The following HECW2 variants were observed in gnomAD, a reference collection of about 807,000 sequenced individuals.
The protein encoded by HECW2 is E3 ubiquitin-protein ligase HECW2.
HECW2 carries 61 observed loss-of-function variants against 175.2 expected under a neutral mutation model. That is an observed-to-expected ratio of 0.35 (90% confidence interval 0.28 to 0.43). HECW2 has a LOEUF of 0.43. Among genes scored for constraint, HECW2 ranks in the 20% least tolerant of loss-of-function variants. The pLI, the probability that HECW2 is intolerant of heterozygous loss-of-function variation, is 1.00. For missense variants in HECW2, 1,524 were observed against 2,000.5 expected (o/e 0.76, Z 4.54); for synonymous variants, 671 against 731.0 (o/e 0.92, Z 1.32).
At chr2:196,527,183 C>G (rs1056538359) in intron 1 of HECW2, among the ~76,000 whole-genome samples, 2 of 152,196 alleles carry the variant, frequency 1.3e-5, no homozygotes, top group Admixed American at 6.5e-5. Flanking sequence ...TCTCGTGGTG[C>G]GCCGTTTTTT....
intron 2 of HECW2, among the ~76,000 whole-genome samples, chr2:196,359,183 C>T (rs1361443132): frequency 6.6e-6 from 1 of 152,174 alleles, no homozygotes; most frequent in Non-Finnish European, 1.5e-5. Flanking sequence ...GGCACGGTGG[C>T]TCATGCCTGT....
At chr2:196,383,937 G>A (rs1420366674) in intron 2 of HECW2, among the ~76,000 whole-genome samples, 2 of 152,146 alleles carry the variant, frequency 1.3e-5, no homozygotes, top group Admixed American at 1.3e-4. Flanking sequence ...TCACTTGTGT[G>A]ACTGTGTCTC....
chr2:196,580,254 C>A (rs750524113), intron 1 of HECW2, among the ~76,000 whole-genome samples: 2 of 152,148 alleles, frequency 1.3e-5, no homozygotes, highest in Non-Finnish European at 2.9e-5. Flanking sequence ...CACTTCTCCT[C>A]ATGGATAAAA....
intron 1 of HECW2, among the ~76,000 whole-genome samples, chr2:196,568,621 C>G (rs796913314): frequency 6.6e-6 from 1 of 152,070 alleles, no homozygotes; most frequent in East Asian, 1.9e-4. Context: ...CAGTTGAAAC[C>G]GTACTTTAGA....
At chr2:196,574,713 G>A (rs1272301846) in intron 1 of HECW2, among the ~76,000 whole-genome samples, 2 of 152,018 alleles carry the variant, frequency 1.3e-5, no homozygotes, top group Non-Finnish European at 2.9e-5. Flanking sequence ...AACACTAATA[G>A]CTAAAGCAAT....
chr2:196,512,462 G>A (rs1687986279), intron 1 of HECW2, among the ~76,000 whole-genome samples: 1 of 152,018 alleles, frequency 6.6e-6, no homozygotes, highest in Non-Finnish European at 1.5e-5. Context: ...CATGATCACA[G>A]CTCACCACAA....
chr2:196,447,212 T>G (rs1007757653), intron 1 of HECW2, among the ~76,000 whole-genome samples: 9 of 149,584 alleles, frequency 6.0e-5, no homozygotes, highest in African/African-American at 2.3e-4. Flanking sequence ...TTTCCAATTG[T>G]TTTTTTTTAA....
chr2:196,212,268 G>T (rs529930096), intron 28 of HECW2, among the ~76,000 whole-genome samples: 1 of 152,108 alleles, frequency 6.6e-6, no homozygotes, highest in South Asian at 2.1e-4. Context: ...TGTCACTGGG[G>T]GTTTGTTTTA....
chr2:196,307,329 C>T (rs1575392412), intron 11 of HECW2, 96 bp from the exon 12 acceptor site: 5 of 757,000 alleles, frequency 6.6e-6, no homozygotes, highest in Admixed American at 6.6e-5. Context: ...ATCTTCTCAG[C>T]TTCAACTATT....
intron 2 of HECW2, among the ~76,000 whole-genome samples, chr2:196,401,008 G>A (rs1436204358): frequency 2.6e-5 from 4 of 152,174 alleles, no homozygotes; most frequent in African/African-American, 9.7e-5. Flanking sequence ...TTCGTTTCAT[G>A]ATTAATAACA....
At chr2:196,522,791 A>C (rs1345267383) in intron 1 of HECW2, among the ~76,000 whole-genome samples, 3 of 151,236 alleles carry the variant, frequency 2.0e-5, no homozygotes, top group Non-Finnish European at 4.4e-5. Context: ...ATAGTTGTAG[A>C]TATGCGGCGT....
At chr2:196,363,899 C>G (rs1693672441) in intron 2 of HECW2, among the ~76,000 whole-genome samples, 1 of 152,090 alleles carries the variant, frequency 6.6e-6, no homozygotes, top group South Asian at 2.1e-4. Context: ...TTTTTGGCAT[C>G]AAAGTTGGCT....
In HECW2 at chr2:196,582,069, A is replaced by AAATAATAATAATAATAATAAT. The variant is rs572551572; in HGVS notation, c.-36+11418_-36+11438dup. 4.2e-3 allele frequency among the ~76,000 whole-genome samples: 628 copies of AAATAATAATAATAATAATAAT among 150,328 alleles called. 4 individuals carry two copies. Among genetic ancestry groups the AAATAATAATAATAATAATAAT allele is most frequent in the African/African-American group, 0.015 (609 of 40,388 alleles). On this transcript the variant is annotated intron_variant, in intron 1 of 28. Coordinates refer to ENST00000644978, the MANE Select transcript of HECW2 (RefSeq NM_001348768.2). Reference sequence around the variant, plus strand: ...TGACATAGTGAGACTCCATCTCGAAAAATAATAATAATAATAATAATAATA... The same window carrying AAATAATAATAATAATAATAAT: ...TGACATAGTGAGACTCCATCTCGAAAAATAATAATAATAATAATAATAATAATAATAATAATAATAATAATA...
At chr2:196,290,493 C>G (rs1690565882) in intron 14 of HECW2, 1 of 152,292 alleles carries the variant, frequency 6.6e-6, no homozygotes, top group African/African-American at 2.4e-5. Flanking sequence ...CAACACAGAG[C>G]AGAAACAGAT....
intron 2 of HECW2, among the ~76,000 whole-genome samples, chr2:196,354,079 T>C (rs1467501803): frequency 6.6e-6 from 1 of 152,142 alleles, no homozygotes; most frequent in Non-Finnish European, 1.5e-5. Flanking sequence ...CCTCTGCCAG[T>C]GGAGGGCAGC....
At chr2:196,564,981 T>C (rs1055475650) in intron 1 of HECW2, among the ~76,000 whole-genome samples, 1 of 148,096 alleles carries the variant, frequency 6.8e-6, no homozygotes, top group African/African-American at 2.5e-5. Flanking sequence ...AGGCAAGCAA[T>C]TTAACTATTT....
intron 1 of HECW2, among the ~76,000 whole-genome samples, chr2:196,485,721 T>C (rs1686978927): frequency 6.6e-6 from 1 of 152,140 alleles, no homozygotes; most frequent in African/African-American, 2.4e-5. Context: ...GGGAAGGAAC[T>C]GGCCAGAGAC....
chr2:196,298,400 GT>G (rs1223654689), intron 13 of HECW2, among the ~76,000 whole-genome samples: 1 of 152,142 alleles, frequency 6.6e-6, no homozygotes, highest in Non-Finnish European at 1.5e-5. Flanking sequence ...TTTTACTTTA[GT>G]GTTATGACAA....
rs75300877 is a variant in HECW2, at chr2:196,223,694, A to G, written c.4017-1354T>C. ...GATCAGACGTGAAATGTGAATTATA[A>G]ACAGCTCCTCTGGAAGTCCCAGTGT... On this transcript the variant is annotated intron_variant, in intron 23 of 28. Transcript: ENST00000644978. 4.2e-3 allele frequency among the ~76,000 whole-genome samples: 641 copies of G among 152,278 alleles called. 8 individuals carry two copies. The highest frequency in any genetic ancestry group is 0.015 in the African/African-American group (611 of 41,562).
Sources: gnomAD v4.1 joint callset for allele counts (sites outside exome capture counted in the v4.1 genomes callset) on GRCh38, gnomAD v4.1.1 for gene constraint, MANE v1.5 for transcripts, NCBI Gene and HGNC (gene_info 2026-07-23, HGNC 2026-07-21) for gene names.